PDE11A: variants seen among roughly 807,000 people sequenced by gnomAD.
PDE11A encodes dual 3',5'-cyclic-AMP and -GMP phosphodiesterase 11A.
Under a neutral mutation model 100.5 loss-of-function variants are expected in PDE11A, and 100 were observed. That is an observed-to-expected ratio of 1.00 (90% CI 0.85 to 1.18). The LOEUF (loss-of-function observed/expected upper bound fraction) is 1.18, where lower values mean the gene tolerates loss of function less well. PDE11A is among the 50% of genes most tolerant of loss of function. The pLI is 0.00. For synonymous variants in PDE11A, 381 were observed against 420.8 expected, an observed-to-expected ratio of 0.91 and a Z score of 1.16; for missense variants, 1,141 against 1,152.6, an observed-to-expected ratio of 0.99 and a Z score of 0.15.
rs186895034 is a variant in PDE11A, at chr2:177,919,244, C to T, written c.1072-14057G>A. ...TCTTGAGTAGCTGGGACTATAGGCG[C>T]GCACCACCATGCCTGGCTAATTTTT... On this transcript the variant is annotated intron_variant, in intron 2 of 19. Transcript: ENST00000286063. Among the ~76,000 whole-genome samples the T allele has an allele frequency of 3.0e-4, 41 of 138,148 alleles. 2 individuals carry two copies. Among genetic ancestry groups the T allele is most frequent in the Admixed American group, 2.8e-3 (39 of 14,178 alleles). The allele number at this position is 138,148 out of a possible 152,430, so 90.6% of individuals were successfully genotyped here.
Position 177,651,277 on chromosome 2 carries a change from T to G in PDE11A, c.2646+12589A>C, listed in dbSNP as rs78236731. On this transcript the variant is annotated intron_variant, in intron 19 of 19. Coordinates refer to ENST00000286063, the MANE Select transcript of PDE11A (RefSeq NM_016953.4). ...TGAGGTTGAGAGATGATATTAATGA[T>G]AACAATAGTGACTCACATGCTGGAG... Among the ~76,000 whole-genome samples, 175 of 152,350 alleles carry G rather than the reference T, an allele frequency of 1.1e-3. 6 individuals carry two copies. The East Asian group carries it at 0.031, about 27-fold the overall frequency.
intron 1 of PDE11A, among the ~76,000 whole-genome samples, chr2:178,027,414 C>T (rs1282096936): frequency 6.6e-6 from 1 of 152,090 alleles, no homozygotes; most frequent in Non-Finnish European, 1.5e-5. Flanking sequence ...TAAGACAGCA[C>T]AATAGTTTCA....
chr2:177,758,732 C>G (rs778024965), intron 10 of PDE11A, among the ~76,000 whole-genome samples: 1 of 152,176 alleles, frequency 6.6e-6, no homozygotes. Context: ...CAGACCTCCA[C>G]GGTGCCTCCT....
At chr2:177,938,668 G>A (rs538906393) in intron 2 of PDE11A, among the ~76,000 whole-genome samples, 7 of 152,296 alleles carry the variant, frequency 4.6e-5, no homozygotes, top group South Asian at 4.1e-4. Context: ...GGAACCCATC[G>A]TAGTGAGGTG....
In PDE11A at chr2:177,815,027, T is replaced by C. The variant is rs1229316552; in HGVS notation, c.1737+1802A>G. ...TTCTCTCTTTGTGTGTTAATTATAC[T>C]GTGACATAATGAAGTAGGATTTAGA... On this transcript the variant is annotated intron_variant, in intron 9 of 19. Coordinates refer to ENST00000286063, the MANE Select transcript of PDE11A (RefSeq NM_016953.4). Among the ~76,000 whole-genome samples the C allele has an allele frequency of 2.6e-5, 4 of 152,342 alleles. No individual in the cohort carries two copies. The East Asian group carries it at 7.7e-4, about 29-fold the overall frequency.
chr2:177,635,888 A>G (rs969927253), intron 19 of PDE11A, among the ~76,000 whole-genome samples: 2 of 151,414 alleles, frequency 1.3e-5, no homozygotes, highest in African/African-American at 4.9e-5. Flanking sequence ...CTAGTATTCC[A>G]CTGCTGTCAA....
At chr2:177,956,710 T>C (rs1428387644) in intron 2 of PDE11A, among the ~76,000 whole-genome samples, 3 of 151,900 alleles carry the variant, frequency 2.0e-5, no homozygotes, top group East Asian at 1.9e-4. Context: ...CACATATACA[T>C]CATGGAATAC....
intron 4 of PDE11A, among the ~76,000 whole-genome samples, chr2:177,886,426 C>A (rs2084430489): frequency 6.6e-6 from 1 of 152,172 alleles, no homozygotes; most frequent in Non-Finnish European, 1.5e-5. Context: ...ACAGTTTACA[C>A]CTGAGTGCCT....
At chr2:177,825,930 T>G (rs1011591430) in intron 6 of PDE11A, among the ~76,000 whole-genome samples, 7 of 152,220 alleles carry the variant, frequency 4.6e-5, no homozygotes, top group Non-Finnish European at 1.0e-4. Context: ...AAAATTTGTG[T>G]GTGAAAGGGT....
Position 177,855,665 on chromosome 2 carries a change from C to T in PDE11A, c.1368-15282G>A, listed in dbSNP as rs1235642898. 3.3e-5 allele frequency among the ~76,000 whole-genome samples: 5 copies of T among 151,978 alleles called. No homozygotes were observed. The East Asian group carries it at 9.6e-4, about 29-fold the overall frequency. On this transcript the variant is annotated intron_variant, in intron 5 of 19. Transcript: ENST00000286063. ...TCCATGGAAACCTCCATTCACAGAA[C>T]TTGTCTTTATTTGACCTGACTCAGG... is the stretch of plus-strand genomic sequence containing the variant.
At chr2:177,768,361 C>G (rs1209690528) in intron 10 of PDE11A, among the ~76,000 whole-genome samples, 2 of 152,162 alleles carry the variant, frequency 1.3e-5, no homozygotes, top group Non-Finnish European at 2.9e-5. Flanking sequence ...CCAATGGTCT[C>G]TGCACCATAT....
intron 2 of PDE11A, among the ~76,000 whole-genome samples, chr2:177,943,088 T>C (rs2085363611): frequency 6.6e-6 from 1 of 152,228 alleles, no homozygotes. Flanking sequence ...ATTGTAGGTG[T>C]ACAATACCAC....
At position 177,972,754 on chromosome 2, in the gene PDE11A, A is replaced by G. The variant is rs374233250; in HGVS notation, c.1071+41548T>C. On this transcript the variant is annotated intron_variant, in intron 2 of 19. Coordinates refer to ENST00000286063, the MANE Select transcript of PDE11A (RefSeq NM_016953.4). ...GGACAGAGGCTAAGAAGTTAGAACA[A>G]GCATCCCAACTGGTCAGTTTACAGG... Among the ~76,000 whole-genome samples the G allele has an allele frequency of 2.0e-5, 3 of 152,192 alleles. No individual in the cohort carries two copies. The South Asian group carries it at 6.2e-4, about 31-fold the overall frequency.
chr2:177,806,620 T>A (rs1238312735), intron 9 of PDE11A, among the ~76,000 whole-genome samples: 3 of 152,168 alleles, frequency 2.0e-5, no homozygotes, highest in Non-Finnish European at 4.4e-5. Flanking sequence ...CAATAAATAC[T>A]TATGAATACA....
intron 10 of PDE11A, among the ~76,000 whole-genome samples, chr2:177,738,367 A>G (rs1414829925): frequency 6.6e-6 from 1 of 152,088 alleles, no homozygotes; most frequent in Non-Finnish European, 1.5e-5. Flanking sequence ...CCTTCTTTCT[A>G]TGTCTTAGTA....
upstream of PDE11A, among the ~76,000 whole-genome samples, chr2:178,073,810 A>G (rs957594041): frequency 3.9e-5 from 6 of 152,074 alleles, no homozygotes; most frequent in African/African-American, 1.4e-4. Context: ...CTATTTTAAA[A>G]TCTCTTTCCA....
intron 11 of PDE11A, 119 bp from the exon 12 acceptor site, chr2:177,727,884 C>A: frequency 9.2e-6 from 9 of 979,436 alleles, no homozygotes; most frequent in Non-Finnish European, 1.3e-5. Context: ...ACAAACATCT[C>A]TTCTGGTTCT....
chr2:177,756,652 A>T (rs1181711669), intron 10 of PDE11A, among the ~76,000 whole-genome samples: 1 of 152,194 alleles, frequency 6.6e-6, no homozygotes, highest in Non-Finnish European at 1.5e-5. Context: ...TGTGTTAGGA[A>T]AATGAACCTA....
chr2:177,781,373 G>T (rs545751727), intron 9 of PDE11A, among the ~76,000 whole-genome samples: 2 of 152,350 alleles, frequency 1.3e-5, no homozygotes, highest in East Asian at 3.9e-4. Flanking sequence ...ATAAAATGTT[G>T]TAAGAATTAC....
Sources: gnomAD v4.1 joint callset for allele counts (sites outside exome capture counted in the v4.1 genomes callset) on GRCh38, gnomAD v4.1.1 for gene constraint, MANE v1.5 for transcripts, NCBI Gene and HGNC (gene_info 2026-07-23, HGNC 2026-07-21) for gene names.